CTNNA2: variants seen among roughly 807,000 people sequenced by gnomAD.
CTNNA2 encodes the protein catenin alpha-2.
CTNNA2 carries 42 observed loss-of-function variants against 101.0 expected under a neutral mutation model. The observed-to-expected ratio is 0.42, with a 90% CI of 0.32 to 0.54. The LOEUF (loss-of-function observed/expected upper bound fraction) is 0.54, where lower values mean the gene tolerates loss of function less well. Ranked by LOEUF, CTNNA2 falls within the 20% of genes least tolerant of loss-of-function variation. CTNNA2 has a pLI of 0.14. For synonymous variants in CTNNA2, 450 were observed against 456.4 expected (o/e 0.99, Z 0.18); for missense variants, 871 against 1,223.1 (o/e 0.71, Z 4.29).
At chr2:79,354,801 G>A (rs1343053084) in intron 3 of CTNNA2, among the ~76,000 whole-genome samples, 1 of 152,158 alleles carries the variant, frequency 6.6e-6, no homozygotes, top group Non-Finnish European at 1.5e-5. Flanking sequence ...AGCTAGGAAT[G>A]AGTCCTGGTA....
chr2:80,125,347 T>G (rs1343921259), intron 7 of CTNNA2, among the ~76,000 whole-genome samples: 1 of 152,218 alleles, frequency 6.6e-6, no homozygotes, highest in South Asian at 2.1e-4. Flanking sequence ...GCAACACTGA[T>G]GGTGTCCTCA....
At chr2:80,573,494 T>A (rs867075022) in intron 12 of CTNNA2, among the ~76,000 whole-genome samples, 15 of 152,228 alleles carry the variant, frequency 9.9e-5, no homozygotes, top group African/African-American at 3.6e-4. Flanking sequence ...TCTGTCTCCC[T>A]CTTTTCTATT....
chr2:79,275,606 ATAT>A (rs1331343027), intron 2 of CTNNA2, among the ~76,000 whole-genome samples: 2 of 152,020 alleles, frequency 1.3e-5, no homozygotes. Context: ...ATTTTGTCTG[ATAT>A]TATTATTTTA....
chr2:80,084,804 T>C (rs1292585353), intron 7 of CTNNA2, among the ~76,000 whole-genome samples: 1 of 152,042 alleles, frequency 6.6e-6, no homozygotes, highest in Non-Finnish European at 1.5e-5. Flanking sequence ...TACTTATATT[T>C]TGCCTCCGCC....
At chr2:80,143,426 T>C (rs1342892188) in intron 7 of CTNNA2, among the ~76,000 whole-genome samples, 1 of 152,188 alleles carries the variant, frequency 6.6e-6, no homozygotes, top group East Asian at 1.9e-4. Context: ...ATTCGTCAAA[T>C]TTTTTGTGAG....
chr2:80,138,077 T>C (rs1013397411), intron 7 of CTNNA2, among the ~76,000 whole-genome samples: 2 of 152,194 alleles, frequency 1.3e-5, no homozygotes, highest in African/African-American at 4.8e-5. Context: ...CAGAGCATCC[T>C]GGAAGTATGA....
chr2:79,821,358 A>G (rs1384504619), intron 3 of CTNNA2, among the ~76,000 whole-genome samples: 1 of 152,126 alleles, frequency 6.6e-6, no homozygotes, highest in Admixed American at 6.6e-5. Context: ...ACAGCTGTGC[A>G]TCACCATTTC....
At chr2:79,291,645 C>T (rs1007265369) in intron 2 of CTNNA2, among the ~76,000 whole-genome samples, 3 of 152,078 alleles carry the variant, frequency 2.0e-5, no homozygotes, top group Non-Finnish European at 1.5e-5. Context: ...GCTACTGGTC[C>T]CTGTCTTTTG....
chr2:79,581,899 G>C (rs1676170717), intron 1 of CTNNA2, among the ~76,000 whole-genome samples: 1 of 152,186 alleles, frequency 6.6e-6, no homozygotes, highest in African/African-American at 2.4e-5. Flanking sequence ...ATTTGGGGAA[G>C]GCAGTCAATA....
chr2:80,507,955 G>T (rs114049637), intron 9 of CTNNA2, among the ~76,000 whole-genome samples: 7 of 152,262 alleles, frequency 4.6e-5, no homozygotes, highest in African/African-American at 1.7e-4. Context: ...CTCAGATTTG[G>T]CAAGACAGGC....
At chr2:80,622,370 A>G (rs966401547) in intron 18 of CTNNA2, among the ~76,000 whole-genome samples, 7 of 151,912 alleles carry the variant, frequency 4.6e-5, no homozygotes, top group African/African-American at 1.7e-4. Context: ...AAGTGGAAAG[A>G]GATCATCATT....
chr2:79,772,457 A>G (rs1009808745), intron 3 of CTNNA2, among the ~76,000 whole-genome samples: 1 of 152,214 alleles, frequency 6.6e-6, no homozygotes, highest in Admixed American at 6.5e-5. Flanking sequence ...CTCAGATAAT[A>G]GTTCAGAAGT....
chr2:80,503,951 G>T (rs890570358), intron 9 of CTNNA2, among the ~76,000 whole-genome samples: 7 of 152,138 alleles, frequency 4.6e-5, no homozygotes. Context: ...AAAGTTAAGG[G>T]AATGGTATTC....
intron 4 of CTNNA2, among the ~76,000 whole-genome samples, chr2:79,387,282 A>T (rs1390247658): frequency 6.6e-6 from 1 of 151,992 alleles, no homozygotes; most frequent in African/African-American, 2.4e-5. Flanking sequence ...AGCAATTAGA[A>T]CCTGAAATTC....
chr2:79,977,087 T>A (rs74852059), intron 7 of CTNNA2, among the ~76,000 whole-genome samples: 15 of 152,190 alleles, frequency 9.9e-5, no homozygotes, highest in Non-Finnish European at 1.2e-4. Flanking sequence ...TTTAAAATAG[T>A]GTTTCACAGA....
chr2:79,733,926 C>T (rs1413020896), intron 2 of CTNNA2, among the ~76,000 whole-genome samples: 1 of 152,010 alleles, frequency 6.6e-6, no homozygotes, highest in Non-Finnish European at 1.5e-5. Context: ...TAAACAGAAT[C>T]CTTTGCCTAA....
chr2:80,238,975 T>G (rs1425793808), intron 7 of CTNNA2, among the ~76,000 whole-genome samples: 1 of 152,186 alleles, frequency 6.6e-6, no homozygotes, highest in African/African-American at 2.4e-5. Context: ...ATAAAAATGT[T>G]AAGAGGGGGC....
intron 9 of CTNNA2, among the ~76,000 whole-genome samples, chr2:80,509,639 C>G (rs1437280753): frequency 1.3e-5 from 2 of 152,084 alleles, no homozygotes; most frequent in Non-Finnish European, 2.9e-5. Flanking sequence ...ACAGTACTAC[C>G]AATGAGAGAA....
chr2:79,526,153 A>G (rs185895035), intron 1 of CTNNA2, among the ~76,000 whole-genome samples: 2 of 152,170 alleles, frequency 1.3e-5, no homozygotes, highest in Admixed American at 1.3e-4. Flanking sequence ...AATATTTTTT[A>G]TCAAAATTAT....
Sources: allele counts gnomAD v4.1 joint callset (sites outside exome capture counted in the v4.1 genomes callset), GRCh38; gene constraint gnomAD v4.1.1; transcripts MANE v1.5; gene names NCBI Gene and HGNC (gene_info 2026-07-23, HGNC 2026-07-21).